Variants in RALYL observed in about 807,000 individuals in gnomAD.
The protein encoded by RALYL is RNA-binding Raly-like protein.
In RALYL, 29 loss-of-function variants were observed where a neutral mutation model predicts 35.1. That is an observed-to-expected ratio of 0.83 (90% confidence interval 0.61 to 1.13). The LOEUF (loss-of-function observed/expected upper bound fraction) is 1.13. Ranked by LOEUF, RALYL falls within the 50% of genes most tolerant of loss-of-function variation. RALYL has a pLI of 0.00. For missense variants in RALYL, 359 were observed against 360.4 expected (o/e 1.00, Z 0.03); for synonymous variants, 120 against 127.6 (o/e 0.94, Z 0.40).
chr8:84,860,349 C>T (rs1837870901), intron 5 of RALYL, among the ~76,000 whole-genome samples: 1 of 152,150 alleles, frequency 6.6e-6, no homozygotes, highest in Non-Finnish European at 1.5e-5. Context: ...AAGAGCTTGC[C>T]TTTCATTTCA....
At chr8:84,328,828 A>T (rs1362855831) in intron 1 of RALYL, among the ~76,000 whole-genome samples, 1 of 152,168 alleles carries the variant, frequency 6.6e-6, no homozygotes, top group East Asian at 1.9e-4. Context: ...CCCAGTGTTT[A>T]GGTCCTACTT....
At chr8:84,603,501 G>A (rs1816434994) in intron 2 of RALYL, among the ~76,000 whole-genome samples, 1 of 151,938 alleles carries the variant, frequency 6.6e-6, no homozygotes, top group Non-Finnish European at 1.5e-5. Flanking sequence ...GTCAGAAAAG[G>A]AGAGTGGGAA....
chr8:84,884,786 A>T (rs1219171546), intron 7 of RALYL, among the ~76,000 whole-genome samples: 2 of 152,130 alleles, frequency 1.3e-5, no homozygotes, highest in Non-Finnish European at 2.9e-5. Context: ...TTTTCACTGT[A>T]CAGAATTATA....
At chr8:84,282,802 T>C (rs908934272) in intron 1 of RALYL, among the ~76,000 whole-genome samples, 15 of 151,708 alleles carry the variant, frequency 9.9e-5, no homozygotes, top group African/African-American at 3.6e-4. Flanking sequence ...AATTTAGATC[T>C]ATAAAATCAG....
intron 1 of RALYL, among the ~76,000 whole-genome samples, chr8:84,408,441 A>G (rs1212865848): frequency 2.6e-5 from 4 of 152,270 alleles, no homozygotes; most frequent in South Asian, 2.1e-4. Context: ...AGCAAAATCT[A>G]TGCTACAGAT....
At chr8:84,429,737 G>A (rs1440816265) in intron 1 of RALYL, among the ~76,000 whole-genome samples, 1 of 151,980 alleles carries the variant, frequency 6.6e-6, no homozygotes, top group East Asian at 1.9e-4. Flanking sequence ...TGGAGGTGGT[G>A]TCTGGGTGTT....
intron 1 of RALYL, among the ~76,000 whole-genome samples, chr8:84,321,134 G>C (rs1288719252): frequency 1.3e-5 from 2 of 152,108 alleles, no homozygotes; most frequent in Admixed American, 1.3e-4. Flanking sequence ...TAGAAGAAAA[G>C]CAGTTTAAAA....
intron 1 of RALYL, among the ~76,000 whole-genome samples, chr8:84,354,985 G>A (rs184396895): frequency 4.7e-5 from 7 of 150,070 alleles, no homozygotes; most frequent in Admixed American, 2.0e-4. Context: ...TATCTCATGC[G>A]CATCACAAAT....
intron 2 of RALYL, among the ~76,000 whole-genome samples, chr8:84,674,063 G>A (rs1359444235): frequency 1.3e-5 from 2 of 152,010 alleles, no homozygotes; most frequent in South Asian, 4.1e-4. Context: ...GCAGTGGTTT[G>A]TAGTTCACTT....
At chr8:84,569,398 T>C (rs1226741413) in intron 2 of RALYL, among the ~76,000 whole-genome samples, 1 of 152,032 alleles carries the variant, frequency 6.6e-6, no homozygotes, top group African/African-American at 2.4e-5. Flanking sequence ...TTCTGTCCCA[T>C]TGATCTATAT....
chr8:84,821,939 T>G (rs1828616363), intron 4 of RALYL, among the ~76,000 whole-genome samples: 1 of 152,134 alleles, frequency 6.6e-6, no homozygotes, highest in Non-Finnish European at 1.5e-5. Context: ...TTAGTAAAAA[T>G]TTCACTAGAT....
intron 1 of RALYL, among the ~76,000 whole-genome samples, chr8:84,334,359 A>T (rs972623044): frequency 5.9e-5 from 9 of 152,038 alleles, no homozygotes; most frequent in African/African-American, 1.9e-4. Flanking sequence ...TCAATTATGT[A>T]TAATAATTTT....
intron 1 of RALYL, among the ~76,000 whole-genome samples, chr8:84,519,184 A>G (rs1047407573): frequency 1.3e-5 from 2 of 152,196 alleles, no homozygotes; most frequent in Admixed American, 1.3e-4. Flanking sequence ...TTATTAAGTA[A>G]CAGAAGAAGG....
intron 1 of RALYL, among the ~76,000 whole-genome samples, chr8:84,274,616 G>A (rs894779924): frequency 1.3e-5 from 2 of 152,106 alleles, no homozygotes; most frequent in African/African-American, 4.8e-5. Context: ...TAATAAAACT[G>A]TTGCTGACAC....
intron 1 of RALYL, among the ~76,000 whole-genome samples, chr8:84,355,057 A>T (rs961830165): frequency 6.6e-5 from 10 of 150,556 alleles, no homozygotes; most frequent in Admixed American, 2.6e-4. Context: ...TTTTGAGAGG[A>T]CAAGACTCTG....
Position 84,264,615 on chromosome 8 carries a change from A to AT in RALYL, c.-24+80197dup, listed in dbSNP as rs201852434. On this transcript the variant is annotated intron_variant, in intron 1 of 8. Transcript: ENST00000521268. ...TGCAGAAGCTCTTTAGTTTAATTAG[A>AT]TTTTTTAAATTCTTAGTAATTGATC... 1.3e-4 allele frequency among the ~76,000 whole-genome samples: 20 copies of AT among 151,928 alleles called. No homozygotes were observed. In the East Asian group the frequency reaches 3.3e-3, roughly 25 times the overall value.
chr8:84,459,347 AG>A (rs564308538), intron 1 of RALYL, among the ~76,000 whole-genome samples: 56 of 151,966 alleles, frequency 3.7e-4, no homozygotes, highest in African/African-American at 9.6e-4. Context: ...AGGAAATAAA[AG>A]GAAATACATT....
At chr8:84,656,586 A>G (rs1316617829) in intron 2 of RALYL, among the ~76,000 whole-genome samples, 1 of 152,154 alleles carries the variant, frequency 6.6e-6, no homozygotes, top group East Asian at 1.9e-4. Flanking sequence ...GAGCATTCAC[A>G]AAGTGTTAAG....
intron 8 of RALYL, among the ~76,000 whole-genome samples, chr8:84,902,629 T>G (rs1312841733): frequency 6.6e-6 from 1 of 152,194 alleles, no homozygotes; most frequent in Non-Finnish European, 1.5e-5. Context: ...GGGAAGTCAG[T>G]GTCTTTGCCT....
Sources: gnomAD v4.1 joint callset for allele counts (sites outside exome capture counted in the v4.1 genomes callset) on GRCh38, gnomAD v4.1.1 for gene constraint, MANE v1.5 for transcripts, NCBI Gene and HGNC (gene_info 2026-07-23, HGNC 2026-07-21) for gene names.